Variants in MAGI2 observed in about 807,000 individuals in gnomAD.
MAGI2 encodes membrane associated guanylate kinase, WW and PDZ domain containing 2, also known as membrane-associated guanylate kinase, WW and PDZ domain-containing protein 2.
MAGI2 carries 35 observed loss-of-function variants against 133.3 expected under a neutral mutation model. That is an observed-to-expected ratio of 0.26 (90% CI 0.20 to 0.35). The LOEUF (loss-of-function observed/expected upper bound fraction) is 0.35. Ranked by LOEUF, MAGI2 falls within the 10% of genes least tolerant of loss-of-function variation. The pLI is 1.00. For missense variants in MAGI2, 1,636 were observed against 1,863.4 expected (o/e 0.88, Z 2.25); for synonymous variants, 729 against 710.6 (o/e 1.03, Z -0.41).
chr7:78,109,175 G>A (rs1819046163), intron 20 of MAGI2, among the ~76,000 whole-genome samples: 1 of 150,150 alleles, frequency 6.7e-6, no homozygotes, highest in Non-Finnish European at 1.5e-5. Flanking sequence ...GTGGTGGCGG[G>A]CGCCTGTAGT....
intron 1 of MAGI2, among the ~76,000 whole-genome samples, chr7:79,274,622 G>T (rs1312267445): frequency 6.6e-6 from 1 of 151,586 alleles, no homozygotes; most frequent in Non-Finnish European, 1.5e-5. Flanking sequence ...ACAGAATTAT[G>T]CTAAAACTAA....
At chr7:78,314,840 A>T (rs1322873208) in intron 9 of MAGI2, among the ~76,000 whole-genome samples, 7 of 152,156 alleles carry the variant, frequency 4.6e-5, no homozygotes, top group African/African-American at 1.7e-4. Context: ...CTTTGTTGGC[A>T]CTTGTGTTTT....
At chr7:78,675,244 G>C (rs529575741) in intron 2 of MAGI2, among the ~76,000 whole-genome samples, 2 of 94,944 alleles carry the variant, frequency 2.1e-5, no homozygotes, top group East Asian at 6.8e-4. Flanking sequence ...AGAATTATGG[G>C]TTGCTGTTGT....
chr7:78,213,056 T>C (rs1001738200), intron 10 of MAGI2, among the ~76,000 whole-genome samples: 4 of 152,226 alleles, frequency 2.6e-5, no homozygotes, highest in Non-Finnish European at 5.9e-5. Flanking sequence ...AAGTCACCTT[T>C]CATTTTCCTC....
intron 1 of MAGI2, among the ~76,000 whole-genome samples, chr7:79,025,384 A>C (rs950146898): frequency 6.6e-6 from 1 of 152,158 alleles, no homozygotes; most frequent in South Asian, 2.1e-4. Context: ...AAGATCAAAA[A>C]ACTACTTATT....
At chr7:79,182,075 G>A (rs1585137642) in intron 1 of MAGI2, among the ~76,000 whole-genome samples, 1 of 151,974 alleles carries the variant, frequency 6.6e-6, no homozygotes, top group East Asian at 1.9e-4. Context: ...ACATTTTCCT[G>A]TCTTCTTCTG....
intron 2 of MAGI2, among the ~76,000 whole-genome samples, chr7:78,726,874 C>T (rs1306763275): frequency 6.6e-6 from 1 of 150,520 alleles, no homozygotes; most frequent in Non-Finnish European, 1.5e-5. Flanking sequence ...ATCTGGTTTT[C>T]ATTTTCTATT....
intron 2 of MAGI2, among the ~76,000 whole-genome samples, chr7:78,784,956 A>T (rs774066734): frequency 5.3e-5 from 8 of 152,158 alleles, no homozygotes; most frequent in African/African-American, 9.7e-5. Flanking sequence ...TTTTTGCATC[A>T]TTCTAAAGGT....
chr7:78,832,093 T>A (rs1353808176), intron 2 of MAGI2, among the ~76,000 whole-genome samples: 1 of 152,030 alleles, frequency 6.6e-6, no homozygotes, highest in African/African-American at 2.4e-5. Flanking sequence ...CTATTTTTTT[T>A]AAATAAAATA....
chr7:78,115,039 C>T (rs1229980972), intron 20 of MAGI2, among the ~76,000 whole-genome samples: 3 of 152,196 alleles, frequency 2.0e-5, no homozygotes, highest in Non-Finnish European at 4.4e-5. Context: ...ATTCCCTAAC[C>T]TTACCATTGC....
chr7:79,310,059 G>A (rs528163288), intron 1 of MAGI2, among the ~76,000 whole-genome samples: 15 of 148,218 alleles, frequency 1.0e-4, no homozygotes, highest in Admixed American at 3.4e-4. Flanking sequence ...CAGCTACTTG[G>A]AGGCTGAGGC....
intron 3 of MAGI2, among the ~76,000 whole-genome samples, chr7:78,578,662 T>C (rs1273356603): frequency 6.6e-6 from 1 of 151,974 alleles, no homozygotes; most frequent in Non-Finnish European, 1.5e-5. Flanking sequence ...GAAGGAGGAC[T>C]GCTTTGAAGA....
At chr7:79,420,315 C>T (rs1364682950) in intron 1 of MAGI2, among the ~76,000 whole-genome samples, 1 of 151,938 alleles carries the variant, frequency 6.6e-6, no homozygotes, top group Non-Finnish European at 1.5e-5. Context: ...TATTGCTGAA[C>T]AAATATAACA....
At chr7:79,186,213 TATATATATATATATATATATATATA>T in intron 1 of MAGI2, among the ~76,000 whole-genome samples, 1 of 6,022 alleles carries the variant, frequency 1.7e-4, no homozygotes, top group East Asian at 3.9e-3. Context: ...TATATATATA[TATATATATATATATATATATATATA>T]TATATTTATA....
intron 1 of MAGI2, among the ~76,000 whole-genome samples, chr7:79,224,281 T>G (rs1006642236): frequency 6.6e-6 from 1 of 152,050 alleles, no homozygotes; most frequent in Non-Finnish European, 1.5e-5. Flanking sequence ...AAACCCTCCC[T>G]ATTGCCTGGA....
At chr7:78,922,125 C>A (rs1412102744) in intron 2 of MAGI2, among the ~76,000 whole-genome samples, 5 of 137,182 alleles carry the variant, frequency 3.6e-5, no homozygotes, top group African/African-American at 1.3e-4. Context: ...ACACTTGATT[C>A]TTTCTTTCTT....
chr7:78,245,923 G>A (rs888458086), intron 10 of MAGI2, among the ~76,000 whole-genome samples: 3 of 152,068 alleles, frequency 2.0e-5, no homozygotes, highest in South Asian at 2.1e-4. Context: ...TCCTGCTCTC[G>A]GGGTGAGTGG....
At chr7:79,287,871 AAT>A (rs1484784912) in intron 1 of MAGI2, among the ~76,000 whole-genome samples, 1 of 147,196 alleles carries the variant, frequency 6.8e-6, no homozygotes, top group Non-Finnish European at 1.5e-5. Flanking sequence ...TTTAAACACA[AAT>A]AGAAAATTGT....
At chr7:78,876,554 T>A (rs184897132) in intron 2 of MAGI2, among the ~76,000 whole-genome samples, 4 of 152,156 alleles carry the variant, frequency 2.6e-5, no homozygotes, top group African/African-American at 9.6e-5. Flanking sequence ...GTGACCAAGT[T>A]ATATTGTAAC....
Sources: allele counts gnomAD v4.1 joint callset (sites outside exome capture counted in the v4.1 genomes callset), GRCh38; gene constraint gnomAD v4.1.1; transcripts MANE v1.5; gene names NCBI Gene and HGNC (gene_info 2026-07-23, HGNC 2026-07-21).